DIAPH3: variants seen among roughly 807,000 people sequenced by gnomAD.
DIAPH3 encodes protein diaphanous homolog 3.
DIAPH3 carries 117 observed loss-of-function variants against 144.3 expected under a neutral mutation model. The ratio of observed to expected loss-of-function variants is 0.81; its 90% CI spans 0.70 to 0.95. DIAPH3 has a LOEUF of 0.95. DIAPH3 is among the 40% of genes least tolerant of loss of function. DIAPH3 has a pLI of 0.00. For missense variants in DIAPH3, 1,421 were observed against 1,412.7 expected, an observed-to-expected ratio of 1.01 and a Z score of -0.09; for synonymous variants, 519 against 488.9, an observed-to-expected ratio of 1.06 and a Z score of -0.81.
At chr13:59,847,294 A>C (rs1011906609) in intron 22 of DIAPH3, among the ~76,000 whole-genome samples, 3 of 152,192 alleles carry the variant, frequency 2.0e-5, no homozygotes, top group African/African-American at 7.2e-5. Context: ...TTTTTACATA[A>C]TACTGCAAGA....
At position 59,801,592 on chromosome 13, in the gene DIAPH3, G is replaced by C. The variant is rs1253180547; in HGVS notation, c.3163+9196C>G. 1.3e-5 allele frequency among the ~76,000 whole-genome samples: 2 copies of C among 152,142 alleles called. 1 individual carries two copies. The highest frequency in any genetic ancestry group is 2.9e-5 in the Non-Finnish European group (2 of 68,014). ...TGGCAATTCACTCTAGTCAGGCAAT[G>C]GTCTCCAAGAATTGCTTGCTCTAAA... On this transcript the variant is annotated intron_variant, in intron 25 of 27. Coordinates refer to ENST00000400324, the MANE Select transcript of DIAPH3 (RefSeq NM_001042517.2).
At position 60,077,821 on chromosome 13, in the gene DIAPH3, G is replaced by A. The variant is rs556743955; in HGVS notation, c.495+15807C>T. Among the ~76,000 whole-genome samples, 15 of 152,190 alleles carry A rather than the reference G, an allele frequency of 9.9e-5. No homozygotes were observed. In the South Asian group the frequency reaches 3.1e-3, roughly 32 times the overall value. On this transcript the variant is annotated intron_variant, in intron 4 of 27. Transcript: ENST00000400324. ...GTGCACGCACAGTGGCAGGATCTTA[G>A]TCTAAATATACGCCCCATTATCTCC... is the stretch of plus-strand genomic sequence containing the variant.
intron 9 of DIAPH3, among the ~76,000 whole-genome samples, chr13:59,996,793 T>C (rs2052219260): frequency 1.3e-5 from 2 of 152,014 alleles, no homozygotes; most frequent in Admixed American, 1.3e-4. Flanking sequence ...AGGAAAATCA[T>C]TAGAAGCCGA....
intron 27 of DIAPH3, among the ~76,000 whole-genome samples, chr13:59,769,175 C>T (rs577778454): frequency 3.2e-4 from 48 of 152,202 alleles, no homozygotes; most frequent in African/African-American, 1.1e-3. Context: ...ACAGACAGTT[C>T]ACAGAGTGTA....
intron 7 of DIAPH3, among the ~76,000 whole-genome samples, chr13:60,015,693 T>G: frequency 6.6e-6 from 1 of 151,952 alleles, no homozygotes; most frequent in Non-Finnish European, 1.5e-5. Context: ...TGGGGAGAGA[T>G]AATTAACCTA....
At position 59,984,010 on chromosome 13, in the gene DIAPH3, T is replaced by C. The variant is rs906496161; in HGVS notation, c.1362-123A>G. The C allele has an allele frequency of 3.8e-5, 26 of 683,132 alleles. No individual in the cohort carries two copies. In the East Asian group the frequency reaches 5.1e-4, roughly 13 times the overall value. 42.3% of individuals were successfully genotyped at this position (683,132 alleles called of 1,614,324 possible). On this transcript the variant is annotated intron_variant, in intron 12 of 27. Transcript: ENST00000400324. ...TTTATTAGTAATATAATTTCAATAG[T>C]TGACACAACAGATTTTACCTGGGAG...
chr13:59,685,540 A>AAAAC (rs1190954208), intron 27 of DIAPH3, among the ~76,000 whole-genome samples: 2 of 152,122 alleles, frequency 1.3e-5, no homozygotes, highest in Non-Finnish European at 2.9e-5. Context: ...TTTCCCAACA[A>AAAAC]AAACACTGAG....
chr13:59,691,031 G>A (rs1593587891), intron 27 of DIAPH3, among the ~76,000 whole-genome samples: 2 of 152,134 alleles, frequency 1.3e-5, no homozygotes, highest in East Asian at 3.8e-4. Context: ...GTAAGTAGGA[G>A]TCTGTCAAAT....
chr13:59,928,044 C>A (rs548350811), intron 17 of DIAPH3, among the ~76,000 whole-genome samples: 1 of 152,120 alleles, frequency 6.6e-6, no homozygotes, highest in Non-Finnish European at 1.5e-5. Flanking sequence ...TTAATTTTAT[C>A]CCACATGTCA....
chr13:59,774,855 C>T (rs2038313579), intron 25 of DIAPH3, 32 bp from the exon 26 acceptor site: 2 of 1,569,678 alleles, frequency 1.3e-6, no homozygotes, highest in African/African-American at 2.7e-5. Context: ...ATTCCATCAG[C>T]CCTCAGGGTT....
At chr13:60,132,708 T>C (rs1039986278) in intron 2 of DIAPH3, among the ~76,000 whole-genome samples, 8 of 152,150 alleles carry the variant, frequency 5.3e-5, no homozygotes, top group Non-Finnish European at 8.8e-5. Context: ...ATTTGAATGA[T>C]TCAAAGTTGA....
At chr13:59,814,075 A>G (rs148976700) in intron 24 of DIAPH3, among the ~76,000 whole-genome samples, 142 of 152,266 alleles carry the variant, frequency 9.3e-4, no homozygotes, top group African/African-American at 3.1e-3. Context: ...GAACAAGATG[A>G]ACCTACAATA....
At chr13:60,161,525 T>C (rs1411447249) in intron 1 of DIAPH3, among the ~76,000 whole-genome samples, 1 of 152,190 alleles carries the variant, frequency 6.6e-6, no homozygotes, top group African/African-American at 2.4e-5. Flanking sequence ...TGTTAAGATT[T>C]CCAGTTCAAC....
chr13:59,932,962 T>C (rs546714018), intron 17 of DIAPH3, among the ~76,000 whole-genome samples: 15 of 152,364 alleles, frequency 9.8e-5, no homozygotes, highest in African/African-American at 3.1e-4. Flanking sequence ...GTTTGTTTTT[T>C]ATTTTTTAAT....
chr13:60,157,003 G>T (rs1594800412), intron 1 of DIAPH3, among the ~76,000 whole-genome samples: 1 of 144,378 alleles, frequency 6.9e-6, no homozygotes, highest in Non-Finnish European at 1.5e-5. Context: ...GGAGTGCAGT[G>T]GCACAATCTC....
intron 27 of DIAPH3, among the ~76,000 whole-genome samples, chr13:59,722,930 C>T (rs1328646159): frequency 6.6e-6 from 1 of 152,172 alleles, no homozygotes; most frequent in Non-Finnish European, 1.5e-5. Flanking sequence ...TTAAATACTT[C>T]ACTGCTTAAA....
In DIAPH3 at chr13:59,666,423, G is replaced by A; in HGVS notation, c.*161C>T. ...AATAAACCAAAACCTCCAGTACATAGAAAAAGCATTGCAATCATATATTTA... is the reference window on the plus strand; with the variant it reads ...AATAAACCAAAACCTCCAGTACATAAAAAAAGCATTGCAATCATATATTTA... On this transcript the variant is annotated 3_prime_UTR_variant, in exon 28 of 28. Coordinates refer to ENST00000400324, the MANE Select transcript of DIAPH3 (RefSeq NM_001042517.2). The A allele has an allele frequency of 2.5e-6, 2 of 800,194 alleles. No homozygotes were observed. The highest frequency in any genetic ancestry group is 2.2e-5 in the South Asian group (1 of 46,244). The allele number at this position is 800,194 out of a possible 1,614,324, so 49.6% of individuals were successfully genotyped here.
chr13:59,773,333 A>G (rs1044430999), intron 27 of DIAPH3, among the ~76,000 whole-genome samples: 1 of 152,142 alleles, frequency 6.6e-6, no homozygotes, highest in Non-Finnish European at 1.5e-5. Context: ...CTTCCCTAGA[A>G]ATTGGCACAG....
Position 59,999,125 on chromosome 13 carries a change from T to A in DIAPH3, c.1015-6542A>T, listed in dbSNP as rs199690612. Among the ~76,000 whole-genome samples the A allele has an allele frequency of 5.3e-5, 8 of 152,090 alleles. No individual in the cohort carries two copies. In the East Asian group the frequency reaches 1.5e-3, roughly 29 times the overall value. On this transcript the variant is annotated intron_variant, in intron 9 of 27. Coordinates refer to ENST00000400324, the MANE Select transcript of DIAPH3 (RefSeq NM_001042517.2). ...GTGGAACAAAATCAACCAAAGCAAATATACTTGGCTAAATCCAGAAAGGCA... is the reference window on the plus strand; with the variant it reads ...GTGGAACAAAATCAACCAAAGCAAAAATACTTGGCTAAATCCAGAAAGGCA...
Sources: gnomAD v4.1 joint callset for allele counts (sites outside exome capture counted in the v4.1 genomes callset) on GRCh38, gnomAD v4.1.1 for gene constraint, MANE v1.5 for transcripts, NCBI Gene and HGNC (gene_info 2026-07-23, HGNC 2026-07-21) for gene names.